SLIT3: variants seen among roughly 807,000 people sequenced by gnomAD.
SLIT3 encodes slit homolog 3 protein.
A neutral mutation model predicts 184.0 loss-of-function variants in SLIT3; 68 were observed. The observed-to-expected ratio is 0.37, with a 90% CI of 0.30 to 0.45. The LOEUF is 0.45. Among genes scored for constraint, SLIT3 ranks in the 20% least tolerant of loss-of-function variants. The pLI is 1.00. For synonymous variants in SLIT3, 831 were observed against 828.6 expected, an observed-to-expected ratio of 1.00 and a Z score of -0.05; for missense variants, 1,707 against 2,026.0, an observed-to-expected ratio of 0.84 and a Z score of 3.02.
chr5:169,061,951 A>T (rs1758185959), intron 4 of SLIT3, among the ~76,000 whole-genome samples: 1 of 152,052 alleles, frequency 6.6e-6, no homozygotes, highest in Admixed American at 6.6e-5. Context: ...GTTAGAATTT[A>T]CGCCACCCCA....
At chr5:168,703,756 A>T (rs1433225467) in intron 26 of SLIT3, among the ~76,000 whole-genome samples, 1 of 152,014 alleles carries the variant, frequency 6.6e-6, no homozygotes, top group African/African-American at 2.4e-5. Context: ...GATTGAGAAC[A>T]TCCTGGCCAA....
chr5:169,213,889 T>C (rs938016787), intron 3 of SLIT3, among the ~76,000 whole-genome samples: 12 of 152,238 alleles, frequency 7.9e-5, no homozygotes, highest in Non-Finnish European at 2.9e-5. Context: ...GTGATGGCTT[T>C]GACAGACTCA....
chr5:168,750,388 A>G (rs1284667289), intron 18 of SLIT3, among the ~76,000 whole-genome samples: 2 of 152,232 alleles, frequency 1.3e-5, no homozygotes, highest in African/African-American at 4.8e-5. Context: ...GAAGGAGGTA[A>G]CATTATCTTC....
chr5:169,078,480 A>G (rs1175807371), intron 4 of SLIT3, among the ~76,000 whole-genome samples: 1 of 152,130 alleles, frequency 6.6e-6, no homozygotes, highest in African/African-American at 2.4e-5. Context: ...GACCAAGCAG[A>G]AATCACAGAC....
intron 4 of SLIT3, among the ~76,000 whole-genome samples, chr5:168,910,778 CA>C (rs1304697778): frequency 6.6e-6 from 1 of 151,170 alleles, no homozygotes; most frequent in East Asian, 1.9e-4. Context: ...AAGAAAAAAA[CA>C]TCACAATTGC....
Position 169,147,040 on chromosome 5 carries a change from T to C in SLIT3, c.413+46439A>G, listed in dbSNP as rs548392625. Among the ~76,000 whole-genome samples the C allele has an allele frequency of 2.2e-4, 33 of 152,296 alleles. 1 individual carries two copies. The highest frequency in any genetic ancestry group is 3.4e-3 in the Middle Eastern group (1 of 294). ...TAGTAAGTGCTTGCTAAATGTCAATTGTTATTGTCTGTCATACTGGATTGA... is the reference window on the plus strand; with the variant it reads ...TAGTAAGTGCTTGCTAAATGTCAATCGTTATTGTCTGTCATACTGGATTGA... On this transcript the variant is annotated intron_variant, in intron 4 of 35. Coordinates refer to ENST00000519560, the MANE Select transcript of SLIT3 (RefSeq NM_003062.4).
At chr5:168,742,703 A>C (rs1309293756) in intron 20 of SLIT3, among the ~76,000 whole-genome samples, 1 of 141,302 alleles carries the variant, frequency 7.1e-6, no homozygotes, top group African/African-American at 2.7e-5. Flanking sequence ...CAGCTAGCTT[A>C]TGAAGTGGTA....
chr5:168,966,368 A>AT (rs1412257070), intron 4 of SLIT3, among the ~76,000 whole-genome samples: 2 of 150,456 alleles, frequency 1.3e-5, no homozygotes, highest in African/African-American at 4.9e-5. Context: ...AGCCAGCATG[A>AT]TTTTTTATAA....
chr5:168,926,933 G>A (rs1174815515), intron 4 of SLIT3, among the ~76,000 whole-genome samples: 1 of 151,966 alleles, frequency 6.6e-6, no homozygotes, highest in Admixed American at 6.5e-5. Context: ...AGGAATGGAA[G>A]ACAGTGCAAT....
rs1755537931 is a variant in SLIT3, at chr5:168,771,160, C to G, written c.1459+1621G>C. ...GCTAATTAACTCAGCCCTGGCCAGA[C>G]AGGGGTAGGAATAGAGGCCAAGGTT... On this transcript the variant is annotated intron_variant, in intron 14 of 35. Transcript: ENST00000519560. 3.3e-5 allele frequency among the ~76,000 whole-genome samples: 5 copies of G among 152,228 alleles called. No homozygotes were observed. In the Middle Eastern group the frequency reaches 0.01, roughly 311 times the overall value.
intron 27 of SLIT3, 85 bp downstream of exon 27, chr5:168,700,497 A>G (rs1762183270): frequency 2.5e-5 from 24 of 960,070 alleles, no homozygotes; most frequent in South Asian, 2.1e-4. Flanking sequence ...TCTTTCCTTT[A>G]TAAATTACCC....
chr5:168,724,578 T>C (rs1366455406), intron 20 of SLIT3, 94 bp from the exon 21 acceptor site: 1 of 935,316 alleles, frequency 1.1e-6, no homozygotes, highest in Non-Finnish European at 1.6e-6. Context: ...CAGGCTGGAT[T>C]AGGTCCCTCT....
At chr5:168,765,625 C>T (rs1004653894) in intron 14 of SLIT3, among the ~76,000 whole-genome samples, 1 of 152,162 alleles carries the variant, frequency 6.6e-6, no homozygotes, top group African/African-American at 2.4e-5. Context: ...TTTAACTTTT[C>T]CAGAGCTTTA....
At chr5:168,835,364 G>T (rs1758016030) in intron 6 of SLIT3, among the ~76,000 whole-genome samples, 1 of 151,830 alleles carries the variant, frequency 6.6e-6, no homozygotes, top group South Asian at 2.1e-4. Flanking sequence ...CAAGTTAAAA[G>T]AAAATGGACT....
intron 1 of SLIT3, among the ~76,000 whole-genome samples, chr5:169,281,245 A>G (rs923195556): frequency 1.6e-4 from 24 of 152,306 alleles, no homozygotes; most frequent in African/African-American, 4.6e-4. Flanking sequence ...TTGGGAGGCC[A>G]AGGTGGGCGG....
At chr5:169,191,222 G>A (rs2113465180) in intron 4 of SLIT3, among the ~76,000 whole-genome samples, 1 of 152,236 alleles carries the variant, frequency 6.6e-6, no homozygotes, top group East Asian at 1.9e-4. Flanking sequence ...ATATCTTTAG[G>A]CCTATATCAT....
intron 16 of SLIT3, among the ~76,000 whole-genome samples, chr5:168,757,472 C>G (rs763069262): frequency 6.6e-6 from 1 of 152,152 alleles, no homozygotes; most frequent in African/African-American, 2.4e-5. Context: ...CTCACTCTGT[C>G]CCCCAAGCTA....
chr5:169,139,192 A>G (rs910782355), intron 4 of SLIT3, among the ~76,000 whole-genome samples: 8 of 152,240 alleles, frequency 5.3e-5, no homozygotes, highest in African/African-American at 1.9e-4. Context: ...TTGAAGGAAG[A>G]CTTTCTTGTG....
intron 1 of SLIT3, among the ~76,000 whole-genome samples, chr5:169,284,660 T>C (rs1212995128): frequency 6.6e-6 from 1 of 152,198 alleles, no homozygotes; most frequent in African/African-American, 2.4e-5. Flanking sequence ...TGAAGGGACT[T>C]ATCTACATTC....
Sources: gnomAD v4.1 joint callset for allele counts (sites outside exome capture counted in the v4.1 genomes callset) on GRCh38, gnomAD v4.1.1 for gene constraint, MANE v1.5 for transcripts, NCBI Gene and HGNC (gene_info 2026-07-23, HGNC 2026-07-21) for gene names.